Variants in TMC7 observed in about 807,000 individuals in gnomAD.
TMC7 encodes transmembrane channel like 7, also known as transmembrane channel-like protein 7.
In TMC7, 54 loss-of-function variants were observed where a neutral mutation model predicts 82.9. The ratio of observed to expected loss-of-function variants is 0.65; its 90% CI spans 0.52 to 0.82. The LOEUF is 0.82. TMC7 is among the 40% of genes least tolerant of loss of function. TMC7 has a pLI of 0.00. For synonymous variants in TMC7, 350 were observed against 337.9 expected (o/e 1.04, Z -0.39); for missense variants, 820 against 901.2 (o/e 0.91, Z 1.15).
At chr16:19,017,367 A>G (rs1417082510) in intron 3 of TMC7, among the ~76,000 whole-genome samples, 1 of 149,228 alleles carries the variant, frequency 6.7e-6, no homozygotes, top group Non-Finnish European at 1.5e-5. Context: ...AATGCATAAA[A>G]TAGTATTATT....
At chr16:19,007,680 AAAAT>A (rs2039265233) in intron 1 of TMC7, among the ~76,000 whole-genome samples, 1 of 151,326 alleles carries the variant, frequency 6.6e-6, no homozygotes, top group African/African-American at 2.4e-5. Flanking sequence ...AAAAAAAAAA[AAAAT>A]AAATAAATAA....
In TMC7 at chr16:19,059,701, T is replaced by C; in HGVS notation, c.2106+207T>C. On this transcript the variant is annotated intron_variant, in intron 15 of 15. Transcript: ENST00000304381. ...CCTTCAAGATGTGTATTAAGGGGGA[T>C]GTGGTGGCTCATGCCTGTAATCCCA... is the stretch of plus-strand genomic sequence containing the variant. The C allele has an allele frequency of 3.3e-6, 5 of 1,528,054 alleles. No homozygotes were observed. In the East Asian group the frequency reaches 7.3e-5, roughly 22 times the overall value. The allele number at this position is 1,528,054 out of a possible 1,614,324, so 94.7% of individuals were successfully genotyped here.
intron 2 of TMC7, among the ~76,000 whole-genome samples, chr16:19,014,889 A>C (rs11643915): frequency 0.48 from 73,489 of 151,998 alleles, 20,669 homozygotes; most frequent in East Asian, 0.74. Flanking sequence ...CTGAAATTCG[A>C]ATTTCATGTG....
At chr16:19,058,577 T>C (rs1480502138) in intron 14 of TMC7, among the ~76,000 whole-genome samples, 1 of 152,194 alleles carries the variant, frequency 6.6e-6, no homozygotes, top group African/African-American at 2.4e-5. Flanking sequence ...ATTCTGTATG[T>C]ACAAGGCGAA....
chr16:19,004,042 T>TA (rs35057088), intron 1 of TMC7, among the ~76,000 whole-genome samples: 8 of 83,978 alleles, frequency 9.5e-5, no homozygotes, highest in African/African-American at 3.8e-4. Context: ...AAAATAAATT[T>TA]AAAAAAAAAA....
At chr16:19,023,062 T>A in intron 4 of TMC7, 51 bp from the exon 5 acceptor site, 1 of 1,195,598 alleles carries the variant, frequency 8.4e-7, no homozygotes, top group Non-Finnish European at 1.2e-6. Context: ...CCAGGCAGGT[T>A]ATAGAGACTA....
intron 5 of TMC7, among the ~76,000 whole-genome samples, chr16:19,023,935 A>G (rs1368108023): frequency 6.6e-6 from 1 of 152,206 alleles, no homozygotes; most frequent in Non-Finnish European, 1.5e-5. Flanking sequence ...ACACACAGGG[A>G]CATGTGCGAT....
intron 12 of TMC7, among the ~76,000 whole-genome samples, chr16:19,050,075 A>T (rs193014320): frequency 5.4e-4 from 82 of 152,188 alleles, no homozygotes; most frequent in Non-Finnish European, 9.3e-4. Flanking sequence ...ATACATACTT[A>T]AAAAAAACTT....
chr16:19,040,542 T>C, intron 9 of TMC7, 96 bp downstream of exon 9: 7 of 1,182,354 alleles, frequency 5.9e-6, no homozygotes, highest in Non-Finnish European at 8.4e-6. Flanking sequence ...TTGTAGTGCA[T>C]TTTCCTGCTG....
intron 1 of TMC7, among the ~76,000 whole-genome samples, chr16:18,988,269 C>T (rs2038889187): frequency 6.6e-6 from 1 of 151,632 alleles, no homozygotes; most frequent in African/African-American, 2.4e-5. Context: ...ATTCTCCTGC[C>T]TCAGCCTCCC....
chr16:19,042,405 G>T (rs1048193005), intron 9 of TMC7, among the ~76,000 whole-genome samples: 1 of 151,938 alleles, frequency 6.6e-6, no homozygotes, highest in Non-Finnish European at 1.5e-5. Flanking sequence ...AAACTCCTGG[G>T]CTCAAGCAAT....
chr16:19,037,779 C>CT (rs1960823019), intron 7 of TMC7, 95 bp from the exon 8 acceptor site: 1 of 1,375,458 alleles, frequency 7.3e-7, no homozygotes, highest in Non-Finnish European at 9.9e-7. Flanking sequence ...GGCTAGAACT[C>CT]TTAAAGATGG....
intron 2 of TMC7, among the ~76,000 whole-genome samples, chr16:19,009,680 C>G (rs1438902877): frequency 3.3e-5 from 5 of 152,104 alleles, no homozygotes; most frequent in African/African-American, 4.8e-5. Context: ...TGGCTCACGC[C>G]TGTAATCCCA....
intron 1 of TMC7, among the ~76,000 whole-genome samples, chr16:18,997,727 G>C: frequency 1.4e-5 from 1 of 72,324 alleles, no homozygotes; most frequent in African/African-American, 4.6e-5. Flanking sequence ...GCCAAATCCA[G>C]CCTTTTTTTT....
chr16:19,056,246 C>G (rs1039903441), intron 13 of TMC7, among the ~76,000 whole-genome samples: 3 of 151,872 alleles, frequency 2.0e-5, no homozygotes, highest in African/African-American at 7.3e-5. Context: ...CCACCATGCC[C>G]GGCTAATTTT....
intron 2 of TMC7, chr16:19,012,355 C>G (rs183448554): frequency 7.1e-4 from 108 of 152,214 alleles, no homozygotes; most frequent in African/African-American, 2.5e-3. Flanking sequence ...TATTACTGCT[C>G]TATGCCAAAC....
At chr16:19,029,224 T>C (rs1020297099) in intron 5 of TMC7, among the ~76,000 whole-genome samples, 1 of 147,960 alleles carries the variant, frequency 6.8e-6, no homozygotes, top group East Asian at 2.1e-4. Context: ...CCAGGATGGT[T>C]TTGATCTCCT....
chr16:19,051,940 G>A, intron 13 of TMC7, 124 bp downstream of exon 13: 9 of 1,330,462 alleles, frequency 6.8e-6, no homozygotes, highest in Non-Finnish European at 9.4e-6. Flanking sequence ...TGTCACCCAG[G>A]CTGGAGTGTG....
intron 1 of TMC7, among the ~76,000 whole-genome samples, chr16:19,007,669 CAAAA>C (rs548048423): frequency 1.9e-4 from 26 of 139,346 alleles, no homozygotes; most frequent in South Asian, 4.3e-4. Context: ...GACTCCGTCT[CAAAA>C]AAAAAAAAAA....
Sources: allele counts gnomAD v4.1 joint callset (sites outside exome capture counted in the v4.1 genomes callset), GRCh38; gene constraint gnomAD v4.1.1; transcripts MANE v1.5; gene names NCBI Gene and HGNC (gene_info 2026-07-23, HGNC 2026-07-21).